Variants in DNAH8 observed in about 807,000 individuals in gnomAD.
DNAH8 encodes dynein axonemal heavy chain 8, also known as axonemal beta dynein heavy chain 8.
Under a neutral mutation model 562.1 loss-of-function variants are expected in DNAH8, and 382 were observed. The ratio of observed to expected loss-of-function variants is 0.68; its 90% CI spans 0.63 to 0.74. The LOEUF is 0.74. Ranked by LOEUF, DNAH8 falls within the 30% of genes least tolerant of loss-of-function variation. The pLI, the probability that DNAH8 is intolerant of heterozygous loss-of-function variation, is 0.00. For synonymous variants in DNAH8, 1,881 were observed against 1,919.4 expected (o/e 0.98, Z 0.52); for missense variants, 5,203 against 5,620.4 (o/e 0.93, Z 2.37).
chr6:39,013,668 TG>T (rs1766376673), intron 91 of DNAH8, among the ~76,000 whole-genome samples: 1 of 152,094 alleles, frequency 6.6e-6, no homozygotes, highest in African/African-American at 2.4e-5. Context: ...TGGGGCAACA[TG>T]GTAAAACCCT....
At chr6:38,933,244 C>T (rs1221312090) in intron 76 of DNAH8, among the ~76,000 whole-genome samples, 3 of 152,110 alleles carry the variant, frequency 2.0e-5, no homozygotes, top group African/African-American at 7.2e-5. Context: ...CTAAAGGTCC[C>T]CAGGGCTCCC....
chr6:38,898,376 T>C lies in DNAH8; in HGVS notation c.9059T>C (p.Ile3020Thr), dbSNP rs1326318481. The stretch of plus-strand genomic sequence containing the variant: ...TTTAAAGATGCAATGACTCATCTTA[T>C]TAAGGTCCTAACTATTGCCTATTTA... ...VFFKDAMTHLIKISRIIRTSC... is the reference protein window; with the variant it reads ...VFFKDAMTHLTKISRIIRTSC... The change falls in exon 61 of 93, where the codon ATT becomes ACT. Residue 3020 changes from isoleucine (I) to threonine (T), a missense_variant. Coordinates refer to ENST00000327475, the MANE Select transcript of DNAH8 (RefSeq NM_001206927.2). 1 of 1,569,612 alleles carries C rather than the reference T, an allele frequency of 6.4e-7. No individual in the cohort carries two copies.
In DNAH8 at chr6:38,954,774, T is replaced by A. The variant is rs554373680; in HGVS notation, c.12451+3254T>A. On this transcript the variant is annotated intron_variant, in intron 82 of 92. Transcript: ENST00000327475. The stretch of plus-strand genomic sequence containing the variant: ...AAATTGGCAAATTTATAGAAACATA[T>A]GAATTTAGAAAATTTCCTCAGAAAA... Among the ~76,000 whole-genome samples, 3 of 152,070 alleles carry A rather than the reference T, an allele frequency of 2.0e-5. No individual in the cohort carries two copies. In the East Asian group the frequency reaches 5.8e-4, roughly 29 times the overall value.
intron 79 of DNAH8, among the ~76,000 whole-genome samples, chr6:38,943,614 T>A (rs895341088): frequency 1.3e-5 from 2 of 152,236 alleles, no homozygotes; most frequent in Non-Finnish European, 2.9e-5. Context: ...TCCTGCATTA[T>A]AGAGCAATGG....
chr6:38,913,920 G>A lies in DNAH8; in HGVS notation c.9931G>A (p.Glu3311Lys). The part of the protein sequence containing the change: ...LSQDLAVKEK[E>K]LAVASIKADE... ...TCAGGATCTTGCAGTCAAGGAGAAG[G>A]AGTTGGCAGTGGCTTCCATAAAAGC... is the stretch of plus-strand genomic sequence containing the variant. The change falls in exon 67 of 93, where the codon GAG becomes AAG. Residue 3311 changes from glutamate to lysine, a missense_variant. Physicochemically the swap from Glu to Lys is moderately conservative, Grantham distance 56 (BLOSUM62 1). Coordinates refer to ENST00000327475, the MANE Select transcript of DNAH8 (RefSeq NM_001206927.2). The A allele has an allele frequency of 1.2e-6, 2 of 1,613,000 alleles. No individual in the cohort carries two copies. Among genetic ancestry groups the A allele is most frequent in the Non-Finnish European group, 1.7e-6 (2 of 1,179,212 alleles).
At chr6:38,811,517 A>G (rs1443589275) in intron 24 of DNAH8, among the ~76,000 whole-genome samples, 1 of 152,240 alleles carries the variant, frequency 6.6e-6, no homozygotes, top group Non-Finnish European at 1.5e-5. Context: ...AAATATTTCA[A>G]GAAAAAATAC....
At chr6:38,989,184 T>C (rs564093958) in intron 87 of DNAH8, among the ~76,000 whole-genome samples, 1 of 152,316 alleles carries the variant, frequency 6.6e-6, no homozygotes, top group South Asian at 2.1e-4. Context: ...CCGTCCCTCT[T>C]TCCTGTCAAG....
rs1767605151 is a variant in DNAH8, at chr6:39,030,539, CGT to C, written c.*154_*155del. Reference sequence around the variant, plus strand: ...AGTTGATGTTCTAAAATTGCTAGTGCGTGTGTGTTTTCCTCACATATCAATAT... The same window carrying C: ...AGTTGATGTTCTAAAATTGCTAGTGCGTGTGTTTTCCTCACATATCAATAT... On this transcript the variant is annotated 3_prime_UTR_variant, in exon 93 of 93. Coordinates refer to ENST00000327475, the MANE Select transcript of DNAH8 (RefSeq NM_001206927.2). The C allele has an allele frequency of 1.5e-6, 1 of 647,438 alleles. No homozygotes were observed. The highest frequency in any genetic ancestry group is 2.6e-6 in the Non-Finnish European group (1 of 386,484). 40.1% of individuals were successfully genotyped at this position (647,438 alleles called of 1,614,324 possible).
chr6:38,989,994 G>T lies in DNAH8; in HGVS notation c.13054-18G>T. 1 of 1,484,398 alleles carries T rather than the reference G, an allele frequency of 6.7e-7. No homozygotes were observed. Among genetic ancestry groups the T allele is most frequent in the South Asian group, 1.2e-5 (1 of 80,042 alleles). The allele number at this position is 1,484,398 out of a possible 1,614,324, so 92.0% of individuals were successfully genotyped here. ...GATGCTCATCAATTTTATTTCTTTT[G>T]TTTTCTCTCACATACAGGTCTGGTT... On this transcript the variant is annotated intron_variant, in intron 87 of 92. Coordinates refer to ENST00000327475, the MANE Select transcript of DNAH8 (RefSeq NM_001206927.2).
chr6:39,006,380 A>AT (rs1239990981), intron 88 of DNAH8, among the ~76,000 whole-genome samples: 1 of 152,106 alleles, frequency 6.6e-6, no homozygotes, highest in Non-Finnish European at 1.5e-5. Context: ...TAATACTTGT[A>AT]TTTTCAGTCT....
intron 60 of DNAH8, among the ~76,000 whole-genome samples, chr6:38,898,046 G>T (rs1201015879): frequency 1.3e-5 from 2 of 152,080 alleles, no homozygotes; most frequent in African/African-American, 4.8e-5. Flanking sequence ...AAATGATTTT[G>T]CACTAGAAAC....
chr6:38,995,851 T>C (rs562474993), intron 88 of DNAH8, among the ~76,000 whole-genome samples: 1 of 152,248 alleles, frequency 6.6e-6, no homozygotes, highest in Admixed American at 6.5e-5. Flanking sequence ...AGGAATGTAC[T>C]AGCCTTCTTA....
At chr6:39,010,029 A>G (rs1766082271) in intron 89 of DNAH8, among the ~76,000 whole-genome samples, 1 of 152,182 alleles carries the variant, frequency 6.6e-6, no homozygotes. Flanking sequence ...AAAAGATTAC[A>G]CCACAGGACT....
At chr6:38,805,351 A>C in intron 22 of DNAH8, 130 bp from the exon 23 acceptor site, 1 of 622,900 alleles carries the variant, frequency 1.6e-6, no homozygotes. Context: ...TGCGAAAAGC[A>C]TTTTTCAAAA....
rs973844360 is a variant in DNAH8, at chr6:38,807,675, G to A, written c.3216G>A (p.Arg1072=). The change falls in exon 24 of 93, where the codon CGG becomes CGA. Residue 1072 remains arginine, a synonymous_variant. Coordinates refer to ENST00000327475, the MANE Select transcript of DNAH8 (RefSeq NM_001206927.2). ...QLLDSLQKAT[R]LSLDTMKRRI... ...TAGACAGTCTTCAAAAAGCTACACGGTTATCTCTGGACACAATGAAAAGAA... is the reference window on the plus strand; with the variant it reads ...TAGACAGTCTTCAAAAAGCTACACGATTATCTCTGGACACAATGAAAAGAA... The A allele has an allele frequency of 1.2e-5, 18 of 1,564,970 alleles. No individual in the cohort carries two copies. Among genetic ancestry groups the A allele is most frequent in the Admixed American group, 3.8e-5 (2 of 52,802 alleles).
chr6:38,761,375 G>C (rs1220728486), intron 10 of DNAH8, among the ~76,000 whole-genome samples: 1 of 144,568 alleles, frequency 6.9e-6, no homozygotes, highest in Non-Finnish European at 1.5e-5. Flanking sequence ...ACCAATTGAT[G>C]GTCAGTTCAT....
chr6:38,723,799 C>G (rs1762972381), intron 3 of DNAH8, among the ~76,000 whole-genome samples: 1 of 151,812 alleles, frequency 6.6e-6, no homozygotes, highest in African/African-American at 2.4e-5. Context: ...TCTCTTGAGC[C>G]TGGGAGGTGG....
At chr6:38,800,713 C>T (rs533672372) in intron 21 of DNAH8, among the ~76,000 whole-genome samples, 17 of 152,208 alleles carry the variant, frequency 1.1e-4, no homozygotes, top group East Asian at 3.9e-4. Context: ...GAGGGGGTTT[C>T]GCCATGTTGG....
intron 29 of DNAH8, 75 bp from the exon 30 acceptor site, chr6:38,828,109 T>G: frequency 1.1e-6 from 1 of 915,436 alleles, no homozygotes; most frequent in South Asian, 1.6e-5. Context: ...TAGGAATGTG[T>G]TTCTAGAAGG....
Sources: gnomAD v4.1 joint callset for allele counts (sites outside exome capture counted in the v4.1 genomes callset) on GRCh38, gnomAD v4.1.1 for gene constraint, MANE v1.5 for transcripts, NCBI Gene and HGNC (gene_info 2026-07-23, HGNC 2026-07-21) for gene names.